The following GAS7 variants were observed in gnomAD, a reference collection of about 807,000 sequenced individuals.
GAS7 encodes the protein growth arrest-specific protein 7.
A neutral mutation model predicts 71.1 loss-of-function variants in GAS7; 28 were observed. The ratio of observed to expected loss-of-function variants is 0.39; its 90% confidence interval spans 0.29 to 0.54. The LOEUF (loss-of-function observed/expected upper bound fraction) is 0.54, where lower values mean the gene tolerates loss of function less well. GAS7 is among the 20% of genes least tolerant of loss of function. GAS7 has a pLI of 0.62. For missense variants in GAS7, 436 were observed against 627.8 expected, an observed-to-expected ratio of 0.69 and a Z score of 3.27; for synonymous variants, 258 against 245.8, an observed-to-expected ratio of 1.05 and a Z score of -0.46.
At chr17:9,983,987 A>G (rs1163216949) in intron 2 of GAS7, among the ~76,000 whole-genome samples, 1 of 152,020 alleles carries the variant, frequency 6.6e-6, no homozygotes, top group East Asian at 1.9e-4. Flanking sequence ...CTTTCCTCCT[A>G]TGTAAAATGA....
chr17:10,068,306 C>T (rs1371986040), intron 1 of GAS7, among the ~76,000 whole-genome samples: 1 of 152,076 alleles, frequency 6.6e-6, no homozygotes, highest in Non-Finnish European at 1.5e-5. Flanking sequence ...GCCCCTGACC[C>T]ATTGAACCAG....
intron 1 of GAS7, among the ~76,000 whole-genome samples, chr17:10,124,302 G>T (rs974716079): frequency 2.0e-5 from 3 of 152,216 alleles, no homozygotes; most frequent in Non-Finnish European, 4.4e-5. Context: ...ACTTGAGCCC[G>T]TGAGGCCTGA....
chr17:10,007,052 T>C, intron 2 of GAS7, among the ~76,000 whole-genome samples: 1 of 152,226 alleles, frequency 6.6e-6, no homozygotes, highest in African/African-American at 2.4e-5. Flanking sequence ...TAAGAGGAAA[T>C]TGGATTTAAA....
intron 1 of GAS7, among the ~76,000 whole-genome samples, chr17:10,152,256 T>C (rs996743793): frequency 3.3e-5 from 5 of 152,204 alleles, no homozygotes; most frequent in Admixed American, 6.5e-5. Flanking sequence ...AGATGGGAGA[T>C]AGAACATTAT....
intron 2 of GAS7, among the ~76,000 whole-genome samples, chr17:9,998,640 A>G (rs892689671): frequency 3.3e-5 from 5 of 151,814 alleles, no homozygotes; most frequent in Non-Finnish European, 7.4e-5. Context: ...AAAAAAAGGC[A>G]GAAAGACAGA....
rs563762428 is a variant in GAS7, at chr17:10,024,687, C to T, written c.184-4790G>A. 6.2e-4 allele frequency among the ~76,000 whole-genome samples: 94 copies of T among 152,350 alleles called. 1 individual carries two copies. Among genetic ancestry groups the T allele is most frequent in the Non-Finnish European group, 9.7e-4 (66 of 68,044 alleles). On this transcript the variant is annotated intron_variant, in intron 1 of 13. Coordinates refer to ENST00000432992, the MANE Select transcript of GAS7 (RefSeq NM_201433.2). Reference sequence around the variant, plus strand: ...TCAGTCCCTCTCCATCCACCCTCACCTGGGCCTCCTTGTTCAGTAGGCAAC... The same window carrying T: ...TCAGTCCCTCTCCATCCACCCTCACTTGGGCCTCCTTGTTCAGTAGGCAAC...
intron 1 of GAS7, among the ~76,000 whole-genome samples, chr17:10,062,083 C>T (rs1012741882): frequency 2.0e-5 from 3 of 152,194 alleles, no homozygotes; most frequent in South Asian, 2.1e-4. Context: ...CCGGTGCCCC[C>T]GACCCAGGTG....
At chr17:10,184,925 C>CTT (rs58498116) in intron 1 of GAS7, among the ~76,000 whole-genome samples, 7,313 of 130,732 alleles carry the variant, frequency 0.056, 334 homozygotes, top group East Asian at 0.17. Context: ...TATAAAAACT[C>CTT]TTTTTTTTTT....
At chr17:10,052,281 C>T (rs1405309790) in intron 1 of GAS7, among the ~76,000 whole-genome samples, 1 of 152,200 alleles carries the variant, frequency 6.6e-6, no homozygotes, top group Non-Finnish European at 1.5e-5. Flanking sequence ...GGCAAATACT[C>T]CAGGGTTGAA....
chr17:9,918,300 A>AAG (rs397765699), intron 12 of GAS7, among the ~76,000 whole-genome samples: 1 of 150,074 alleles, frequency 6.7e-6, no homozygotes, highest in East Asian at 2.0e-4. Flanking sequence ...ACTTCCTGAA[A>AAG]TCCTGCTCCG....
intron 2 of GAS7, among the ~76,000 whole-genome samples, chr17:9,986,534 G>A (rs778278429): frequency 2.0e-5 from 3 of 152,164 alleles, no homozygotes; most frequent in Non-Finnish European, 4.4e-5. Context: ...CCTCCATGAA[G>A]GGAACTACCA....
At chr17:10,102,332 G>T (rs1380791475) in intron 1 of GAS7, among the ~76,000 whole-genome samples, 2 of 151,792 alleles carry the variant, frequency 1.3e-5, no homozygotes, top group African/African-American at 4.8e-5. Flanking sequence ...CTGAAATTAA[G>T]GGTAATTTGT....
At chr17:10,126,085 C>T (rs763065286) in intron 1 of GAS7, among the ~76,000 whole-genome samples, 22 of 152,190 alleles carry the variant, frequency 1.4e-4, no homozygotes, top group Middle Eastern at 3.4e-3. Context: ...CAGCAGGGGT[C>T]GGGGGTGGTG....
chr17:9,983,785 T>C (rs1317900688), intron 2 of GAS7, among the ~76,000 whole-genome samples: 1 of 152,110 alleles, frequency 6.6e-6, no homozygotes, highest in African/African-American at 2.4e-5. Flanking sequence ...AGACTCCATC[T>C]CAAAAATAAA....
rs753455575 is a variant in GAS7 at position 9,981,898 on chromosome 17, A to G, written c.305-14T>C. The G allele has an allele frequency of 8.9e-6, 13 of 1,456,666 alleles. No homozygotes were observed. The highest frequency in any genetic ancestry group is 1.3e-5 in the Non-Finnish European group (13 of 1,036,590). The allele number at this position is 1,456,666 out of a possible 1,614,324, so 90.2% of individuals were successfully genotyped here. A position where few individuals can be genotyped will look rare whatever the true frequency, so the allele number is the denominator to read the frequency against. On this transcript the variant is annotated splice_polypyrimidine_tract_variant and intron_variant, in intron 2 of 13. Transcript: ENST00000432992. The surrounding 1 kb of genome is among the most constrained non-coding windows in gnomAD (Gnocchi z 4.4). ...CCCAGGTGGTCTCTGGTGAAAGAAGAGCAAAGAAAATCACTTTGAGAATGT... is the reference window on the plus strand; with the variant it reads ...CCCAGGTGGTCTCTGGTGAAAGAAGGGCAAAGAAAATCACTTTGAGAATGT...
rs140126400 is a variant in GAS7 at position 9,992,401 on chromosome 17, T to C, written c.305-10517A>G. ...CTGAGTCCTCAGAGTCTTTCTAGAA[T>C]AGGTGAAGATGAGGAGAAAGGAGAA... On this transcript the variant is annotated intron_variant, in intron 2 of 13. Coordinates refer to ENST00000432992, the MANE Select transcript of GAS7 (RefSeq NM_201433.2). Among the ~76,000 whole-genome samples the C allele has an allele frequency of 3.6e-4, 55 of 151,800 alleles. 1 individual carries two copies. The East Asian group carries it at 9.3e-3, about 26-fold the overall frequency.
At chr17:10,072,795 T>C in intron 1 of GAS7, among the ~76,000 whole-genome samples, 1 of 152,060 alleles carries the variant, frequency 6.6e-6, no homozygotes, top group East Asian at 1.9e-4. Context: ...CTGGCGCCCA[T>C]AGTCTGTCTG....
In GAS7 at chr17:9,926,627, C is replaced by A. The variant is rs8074820; in HGVS notation, c.1014+14G>T. 1.2e-6 allele frequency: 2 copies of A among 1,612,164 alleles called. No individual in the cohort carries two copies. Among genetic ancestry groups the A allele is most frequent in the Admixed American group, 1.7e-5 (1 of 60,008 alleles). ...CCATGCACCTGCCCTGGCCCAGCGT[C>A]CTGGGCCTCTCACCTTCTCCACCGA... is the stretch of plus-strand genomic sequence containing the variant. On this transcript the variant is annotated intron_variant, in intron 10 of 13. Coordinates refer to ENST00000432992, the MANE Select transcript of GAS7 (RefSeq NM_201433.2). This position sits in a 1 kb window ranked among gnomAD's most constrained non-coding sequence, Gnocchi z 5.0.
chr17:10,177,783 T>C (rs982538364), intron 1 of GAS7, among the ~76,000 whole-genome samples: 2 of 152,108 alleles, frequency 1.3e-5, no homozygotes, highest in Non-Finnish European at 2.9e-5. Flanking sequence ...TGAATATATA[T>C]ATAGTCTTGA....
Sources: allele counts gnomAD v4.1 joint callset (sites outside exome capture counted in the v4.1 genomes callset), GRCh38; gene constraint gnomAD v4.1.1; non-coding constraint Gnocchi (gnomAD v3.1); transcripts MANE v1.5; gene names NCBI Gene and HGNC (gene_info 2026-07-23, HGNC 2026-07-21).